ZMYM1: variants seen among roughly 807,000 people sequenced by gnomAD.
ZMYM1 encodes the protein zinc finger MYM-type containing 1.
Under a neutral mutation model 60.0 loss-of-function variants are expected in ZMYM1, and 39 were observed. The ratio of observed to expected loss-of-function variants is 0.65; its 90% CI spans 0.50 to 0.85. ZMYM1 has a LOEUF of 0.85. Ranked by LOEUF, ZMYM1 falls within the 40% of genes least tolerant of loss-of-function variation. The probability of loss-of-function intolerance (pLI) is 0.00; values close to 1 mark genes in which losing one functional copy is unlikely to be tolerated. For missense variants in ZMYM1, 1,171 were observed against 1,309.5 expected (o/e 0.89, Z 1.63); for synonymous variants, 413 against 454.0 (o/e 0.91, Z 1.15).
At chr1:35,086,982 CTTTTTTTTTTTTT>C (rs1184601007) in intron 1 of ZMYM1, among the ~76,000 whole-genome samples, 2 of 100,084 alleles carry the variant, frequency 2.0e-5, no homozygotes, top group African/African-American at 4.6e-5. Context: ...CGCACCCAGC[CTTTTTTTTTTTTT>C]TTTTTTTTTT....
chr1:35,103,971 T>C (rs1412669998), intron 4 of ZMYM1, among the ~76,000 whole-genome samples: 1 of 152,200 alleles, frequency 6.6e-6, no homozygotes, highest in Non-Finnish European at 1.5e-5. Flanking sequence ...GGTGGGATTA[T>C]GTGCCTGTAA....
At chr1:35,059,812 C>CTCTTTGCAGTTT (rs1412893340) in exon 1 of ZMYM1, 3 of 152,142 alleles carry the variant, frequency 2.0e-5, no homozygotes, top group Non-Finnish European at 2.9e-5. Context: ...TCTCCAGCCT[C>CTCTTTGCAGTTT]TCTTTGCAGT....
At chr1:35,085,924 A>G (rs1642629071) in intron 1 of ZMYM1, among the ~76,000 whole-genome samples, 1 of 152,216 alleles carries the variant, frequency 6.6e-6, no homozygotes, top group Admixed American at 6.5e-5. Flanking sequence ...AAATTAAGCT[A>G]ACACATCGTG....
downstream of ZMYM1, among the ~76,000 whole-genome samples, chr1:35,116,748 C>T (rs1401521372): frequency 1.3e-5 from 2 of 151,256 alleles, no homozygotes; most frequent in East Asian, 2.0e-4. Context: ...TAAGCCACCA[C>T]GCCCAGCCAG....
Position 35,113,689 on chromosome 1 carries a change from A to T in ZMYM1, c.1859A>T (p.Asp620Val). The T allele has an allele frequency of 1.9e-6, 3 of 1,613,632 alleles. No homozygotes were observed. The highest frequency in any genetic ancestry group is 2.5e-6 in the Non-Finnish European group (3 of 1,179,798). The change falls in exon 10 of 10, where the codon GAT becomes GTT. Residue 620 changes from aspartate (D) to valine (V), a missense_variant. Transcript: ENST00000359858. ...TATAACAGTACACAAATTCAAAGTG[A>T]TATTATCGAAATAATAAAGACTGAA... The part of the protein sequence containing the change: ...DFYNSTQIQS[D>V]IIEIIKTEML...
intron 1 of ZMYM1, among the ~76,000 whole-genome samples, chr1:35,068,252 C>T (rs905862196): frequency 3.3e-5 from 5 of 151,620 alleles, no homozygotes; most frequent in African/African-American, 1.2e-4. Context: ...AACTCCGTCT[C>T]TACTAAAAAT....
rs748299151 is a variant in ZMYM1, at chr1:35,115,072, C to T, written c.3242C>T (p.Ala1081Val). Residue 1081 changes from alanine (A) to valine (V), a missense_variant, in exon 10 of 10, where the codon GCA (alanine) becomes GTA (valine). Physicochemically the swap from Ala to Val is moderately conservative, Grantham distance 64. Transcript: ENST00000359858. Reference protein sequence around the residue: ...YIALSWPITSASTENSFSTLP... With the variant: ...YIALSWPITSVSTENSFSTLP... ...GCTTTGTCTTGGCCAATTACTTCAG[C>T]AAGTACTGAGAACTCATTTTCTACC... The T allele has an allele frequency of 6.2e-6, 10 of 1,614,064 alleles. No individual in the cohort carries two copies. Among genetic ancestry groups the T allele is most frequent in the Middle Eastern group, 1.7e-4 (1 of 6,060 alleles).
chr1:35,104,487 C>T lies in ZMYM1; in HGVS notation c.594+18C>T. ...CTGCTATTGTAAGTTCCAATTATAA[C>T]CTTTACAGGGATTCTGATGATTCTG... On this transcript the variant is annotated intron_variant, in intron 5 of 9. Transcript: ENST00000359858. The T allele has an allele frequency of 1.9e-6, 3 of 1,610,252 alleles. No homozygotes were observed. The highest frequency in any genetic ancestry group is 2.5e-6 in the Non-Finnish European group (3 of 1,177,464).
intron 1 of ZMYM1, among the ~76,000 whole-genome samples, chr1:35,082,198 G>T (rs1000594392): frequency 1.3e-5 from 2 of 149,644 alleles, no homozygotes; most frequent in African/African-American, 5.0e-5. Flanking sequence ...CTAAAATGCG[G>T]ATCTTGTATT....
intron 1 of ZMYM1, among the ~76,000 whole-genome samples, chr1:35,089,488 G>A (rs1642866765): frequency 6.6e-6 from 1 of 152,114 alleles, no homozygotes. Flanking sequence ...AACAAAAGCT[G>A]AGCTAAAGAT....
intron 4 of ZMYM1, among the ~76,000 whole-genome samples, chr1:35,100,773 T>C (rs1420263480): frequency 1.3e-5 from 2 of 152,106 alleles, no homozygotes; most frequent in East Asian, 3.8e-4. Context: ...GTTTGATTTA[T>C]TTATCGGAAA....
intron 4 of ZMYM1, 64 bp from the exon 5 acceptor site, chr1:35,104,230 AT>A (rs1268949741): frequency 7.3e-7 from 1 of 1,366,804 alleles, no homozygotes; most frequent in Admixed American, 2.6e-5. Flanking sequence ...AGGTCATTTC[AT>A]TTATAAAGAG....
chr1:35,104,710 C>G lies in ZMYM1; in HGVS notation c.748C>G (p.Gln250Glu), dbSNP rs776794737. Reference protein sequence around the residue: ...YTSSSLSHILQMEGQSHYFNS... With the variant: ...YTSSSLSHILEMEGQSHYFNS... ...CAGCTCTAGTCTGTCCCACATACTT[C>G]AGATGGAAGGACAGTCTCATTACTT... is the stretch of plus-strand genomic sequence containing the variant. The change falls in exon 6 of 10, where the codon CAG (glutamine) becomes GAG (glutamate). Residue 250 changes from glutamine (Q) to glutamate (E), a missense_variant. Physicochemically the swap from Gln to Glu is conservative, Grantham distance 29. Coordinates refer to ENST00000359858, the MANE Select transcript of ZMYM1 (RefSeq NM_024772.5). 6 of 1,614,060 alleles carry G rather than the reference C, an allele frequency of 3.7e-6. No homozygotes were observed. The highest frequency in any genetic ancestry group is 4.2e-6 in the Non-Finnish European group (5 of 1,180,032).
intron 3 of ZMYM1, among the ~76,000 whole-genome samples, chr1:35,096,841 A>T (rs1643359639): frequency 6.6e-6 from 1 of 152,164 alleles, no homozygotes. Flanking sequence ...CTGGGACTAC[A>T]GGCATGTGTC....
intron 2 of ZMYM1, among the ~76,000 whole-genome samples, chr1:35,094,529 A>G (rs1431902769): frequency 6.6e-6 from 1 of 152,196 alleles, no homozygotes; most frequent in Non-Finnish European, 1.5e-5. Context: ...AACTGTGAGT[A>G]TTGTTTAAGT....
rs529585704 is a variant in ZMYM1, at chr1:35,105,228, G to A, written c.807+459G>A. On this transcript the variant is annotated intron_variant, in intron 6 of 9. Transcript: ENST00000359858. ...CGGCTCACTGCAAGTTCTGCCTCGC[G>A]GGTTCATGCCATTCTCCTGCCTCGG... Among the ~76,000 whole-genome samples the A allele has an allele frequency of 3.7e-4, 54 of 144,286 alleles. 1 individual carries two copies. Among genetic ancestry groups the A allele is most frequent in the Admixed American group, 1.1e-3 (16 of 13,940 alleles). The allele number at this position is 144,286 out of a possible 152,430, so 94.7% of individuals were successfully genotyped here.
At chr1:35,101,611 C>T (rs894873160) in intron 4 of ZMYM1, among the ~76,000 whole-genome samples, 1 of 151,692 alleles carries the variant, frequency 6.6e-6, no homozygotes, top group African/African-American at 2.4e-5. Flanking sequence ...TATTCCCACA[C>T]CATTCCTCAC....
rs554832785 is a variant in ZMYM1, at chr1:35,094,351, CT to C, written c.96+275del. Among the ~76,000 whole-genome samples the C allele has an allele frequency of 3.9e-5, 6 of 152,212 alleles. No individual in the cohort carries two copies. The South Asian group carries it at 1.2e-3, about 32-fold the overall frequency. ...GTTGTGGGCCTAGCTAAGGTTAACACTTTTTTTCTTTTGCCAGATTCTACTT... is the reference window on the plus strand; with the variant it reads ...GTTGTGGGCCTAGCTAAGGTTAACACTTTTTTCTTTTGCCAGATTCTACTT... On this transcript the variant is annotated intron_variant, in intron 2 of 9. Coordinates refer to ENST00000359858, the MANE Select transcript of ZMYM1 (RefSeq NM_024772.5).
At position 35,111,876 on chromosome 1, in the gene ZMYM1, G is replaced by A. The variant is rs1644099068; in HGVS notation, c.1066G>A (p.Val356Ile). The change falls in exon 8 of 10, where the codon GTT (valine) becomes ATT (isoleucine). Residue 356 changes from valine to isoleucine, a missense_variant. Coordinates refer to ENST00000359858, the MANE Select transcript of ZMYM1 (RefSeq NM_024772.5). ...TATAGTGTCATTGGCAGACACCGAT[G>A]TTGCCTTGCCCATCATGAACACTGA... ...SNIVSLADTD[V>I]ALPIMNTDVL... 1 of 1,603,628 alleles carries A rather than the reference G, an allele frequency of 6.2e-7. No homozygotes were observed. The highest frequency in any genetic ancestry group is 8.5e-7 in the Non-Finnish European group (1 of 1,173,844).
Sources: allele counts gnomAD v4.1 joint callset (sites outside exome capture counted in the v4.1 genomes callset), GRCh38; gene constraint gnomAD v4.1.1; transcripts MANE v1.5; gene names NCBI Gene and HGNC (gene_info 2026-07-23, HGNC 2026-07-21).